MRPS30: variants seen among roughly 807,000 people sequenced by gnomAD.
The protein encoded by MRPS30 is large ribosomal subunit protein mL65.
A neutral mutation model predicts 43.8 loss-of-function variants in MRPS30; 42 were observed. That is an observed-to-expected ratio of 0.96 (90% confidence interval 0.75 to 1.24). The LOEUF (loss-of-function observed/expected upper bound fraction) is 1.24, where lower values mean the gene tolerates loss of function less well. Among genes scored for constraint, MRPS30 ranks in the 50% most tolerant of loss-of-function variants. MRPS30 has a pLI of 0.00. For synonymous variants in MRPS30, 273 were observed against 228.2 expected (o/e 1.20, Z -1.77); for missense variants, 638 against 570.0 (o/e 1.12, Z -1.22).
chr5:44,811,814 T>A, intron 2 of MRPS30, 101 bp from the exon 3 acceptor site: 1 of 731,828 alleles, frequency 1.4e-6, no homozygotes, highest in East Asian at 2.9e-5. Flanking sequence ...CAAATCATTT[T>A]GTGAAATCAC....
Position 44,815,464 on chromosome 5 carries a change from C to A in MRPS30, c.*262C>A. The A allele has an allele frequency of 3.4e-6, 1 of 290,408 alleles. No homozygotes were observed. 18.0% of individuals were successfully genotyped at this position (290,408 alleles called of 1,614,324 possible). A position where few individuals can be genotyped will look rare whatever the true frequency, so the allele number is the denominator to read the frequency against. The stretch of plus-strand genomic sequence containing the variant: ...AATTGAGTTATTGAGCTATTAAATG[C>A]ACATTTTAATATAAATGCAGAAATC... On this transcript the variant is annotated 3_prime_UTR_variant, in exon 5 of 5. Coordinates refer to ENST00000507110, the MANE Select transcript of MRPS30 (RefSeq NM_016640.4).
In MRPS30 at chr5:44,812,543, T is replaced by C. The variant is rs116769378; in HGVS notation, c.853+523T>C. 3.2e-3 allele frequency among the ~76,000 whole-genome samples: 485 copies of C among 152,274 alleles called. 4 individuals carry two copies. The highest frequency in any genetic ancestry group is 0.011 in the African/African-American group (464 of 41,570). ...CTCCAGACCTATTTTATCAGCCTTTTCTCAGTCACTGTGGTCTTAGGGAGT... is the reference window on the plus strand; with the variant it reads ...CTCCAGACCTATTTTATCAGCCTTTCCTCAGTCACTGTGGTCTTAGGGAGT... On this transcript the variant is annotated intron_variant, in intron 3 of 4. Transcript: ENST00000507110.
At chr5:44,811,251 G>A in intron 2 of MRPS30, 97 bp downstream of exon 2, 3 of 1,377,150 alleles carry the variant, frequency 2.2e-6, no homozygotes, top group Non-Finnish European at 3.0e-6. Context: ...AATGTTTCAG[G>A]TGGATCTCTT....
chr5:44,809,081 C>G lies in MRPS30; in HGVS notation c.119C>G (p.Pro40Arg). ...ETTCQDVAAT[P>R]VARYPPIVAS... ...ACCTGCCAAGACGTCGCGGCGACCC[C>G]CGTCGCGCGGTACCCGCCGATTGTG... The change falls in exon 1 of 5, where the codon CCC (proline) becomes CGC (arginine). Residue 40 changes from proline (P) to arginine (R), a missense_variant. Coordinates refer to ENST00000507110, the MANE Select transcript of MRPS30 (RefSeq NM_016640.4). 6.2e-7 allele frequency: 1 copy of G among 1,609,988 alleles called. No individual in the cohort carries two copies. The highest frequency in any genetic ancestry group is 8.5e-7 in the Non-Finnish European group (1 of 1,178,732).
At chr5:44,810,890 C>A in intron 1 of MRPS30, 119 bp from the exon 2 acceptor site, 2 of 853,688 alleles carry the variant, frequency 2.3e-6, no homozygotes, top group Non-Finnish European at 3.6e-6. Context: ...ATAACCCAGA[C>A]TCTTACCTCA....
At chr5:44,812,316 A>T (rs1464748196) in intron 3 of MRPS30, among the ~76,000 whole-genome samples, 2 of 152,170 alleles carry the variant, frequency 1.3e-5, no homozygotes, top group South Asian at 2.1e-4. Context: ...AAAAGTAAAA[A>T]CTTTTAGAAC....
chr5:44,813,050 GCTCCACATGTT>G, intron 3 of MRPS30, 45 bp from the exon 4 acceptor site: 1 of 1,538,100 alleles, frequency 6.5e-7, no homozygotes, highest in Non-Finnish European at 8.9e-7. Context: ...TAAAACATGT[GCTCCACATGTT>G]CTACATGTTT....
chr5:44,809,463 G>A lies in MRPS30; in HGVS notation c.501G>A (p.Glu167=), dbSNP rs1742788665. Residue 167 remains glutamate, a synonymous_variant, in exon 1 of 5, where the codon GAG becomes GAA. Transcript: ENST00000507110. ...LRRRRRVHRY[E]ESEVISLPFL... The stretch of plus-strand genomic sequence containing the variant: ...GCAGGCGGCGCGTGCACCGTTACGA[G>A]GAGAGCGAGGTCATATCTTTGCCCT... The A allele has an allele frequency of 6.2e-7, 1 of 1,613,832 alleles. No individual in the cohort carries two copies. Among genetic ancestry groups the A allele is most frequent in the Admixed American group, 1.7e-5 (1 of 60,008 alleles).
chr5:44,815,083 C>T lies in MRPS30; in HGVS notation c.1201C>T (p.Leu401Phe). The T allele has an allele frequency of 6.2e-7, 1 of 1,613,176 alleles. No individual in the cohort carries two copies. The highest frequency in any genetic ancestry group is 8.5e-7 in the Non-Finnish European group (1 of 1,179,310). Residue 401 changes from leucine (L) to phenylalanine (F), a missense_variant, in exon 5 of 5, where the codon CTT (leucine) becomes TTT (phenylalanine). Transcript: ENST00000507110. ...ATGTTGGGGTACACAAAGTAAGCCT[C>T]TTTATGAAACAATTGAGGATAATGA... ...NICWGTQSKP[L>F]YETIEDNDVK...
Position 44,815,066 on chromosome 5 carries a change from G to A in MRPS30, c.1184G>A (p.Gly395Asp). 6.2e-7 allele frequency: 1 copy of A among 1,613,622 alleles called. No homozygotes were observed. Among genetic ancestry groups the A allele is most frequent in the Non-Finnish European group, 8.5e-7 (1 of 1,179,642 alleles). The change falls in exon 5 of 5, where the codon GGT becomes GAT. Residue 395 changes from glycine (G) to aspartate (D), a missense_variant. Coordinates refer to ENST00000507110, the MANE Select transcript of MRPS30 (RefSeq NM_016640.4). ...QNNPRKNICWGTQSKPLYETI... is the reference protein window; with the variant it reads ...QNNPRKNICWDTQSKPLYETI... Reference sequence around the variant, plus strand: ...AACCCTCGTAAAAATATATGTTGGGGTACACAAAGTAAGCCTCTTTATGAA... The same window carrying A: ...AACCCTCGTAAAAATATATGTTGGGATACACAAAGTAAGCCTCTTTATGAA...
chr5:44,812,838 A>G (rs771267588), intron 3 of MRPS30, among the ~76,000 whole-genome samples: 6 of 152,142 alleles, frequency 3.9e-5, no homozygotes, highest in Non-Finnish European at 8.8e-5. Flanking sequence ...AGAAATTTTA[A>G]ATAACTTGTC....
Position 44,808,972 on chromosome 5 carries a change from G to C in MRPS30, c.10G>C (p.Ala4Pro), listed in dbSNP as rs1338871499. 6.3e-7 allele frequency: 1 copy of C among 1,595,232 alleles called. No homozygotes were observed. Among genetic ancestry groups the C allele is most frequent in the Non-Finnish European group, 8.5e-7 (1 of 1,171,864 alleles). The part of the protein sequence containing the change: MAA[A>P]RCWRPLLRGP... Reference sequence around the variant, plus strand: ...GGAATCGCGGGCAAAGATGGCGGCGGCCAGGTGTTGGAGGCCTTTGCTACG... The same window carrying C: ...GGAATCGCGGGCAAAGATGGCGGCGCCCAGGTGTTGGAGGCCTTTGCTACG... Residue 4 changes from alanine (A) to proline (P), a missense_variant, in exon 1 of 5, where the codon GCC becomes CCC. Transcript: ENST00000507110.
chr5:44,814,503 C>T (rs1579858891), intron 4 of MRPS30, among the ~76,000 whole-genome samples: 2 of 152,066 alleles, frequency 1.3e-5, no homozygotes, highest in South Asian at 4.1e-4. Context: ...TTACATATGT[C>T]AACAGTATTA....
At position 44,811,981 on chromosome 5, in the gene MRPS30, C is replaced by T. The variant is rs775926598; in HGVS notation, c.814C>T (p.Pro272Ser). The T allele has an allele frequency of 1.2e-6, 2 of 1,601,270 alleles. No individual in the cohort carries two copies. Among genetic ancestry groups the T allele is most frequent in the Admixed American group, 1.7e-5 (1 of 58,120 alleles). The change falls in exon 3 of 5, where the codon CCA (proline) becomes TCA (serine). Residue 272 changes from proline to serine, a missense_variant. By Grantham distance (74) the Pro-to-Ser change is moderately conservative. Transcript: ENST00000507110. ...PTIKCKPDKL[P>S]LFKRQYENHI... is the part of the protein sequence containing the mutation. ...TATAAAATGTAAACCAGACAAACTT[C>T]CATTATTCAAACGGCAGTATGAAAA...
chr5:44,811,849 A>G (rs1742844283), intron 2 of MRPS30, 66 bp from the exon 3 acceptor site: 1 of 929,854 alleles, frequency 1.1e-6, no homozygotes, highest in Admixed American at 3.0e-5. Flanking sequence ...TTTAAATCTA[A>G]TGAGTGTGAG....
intron 2 of MRPS30, 88 bp from the exon 3 acceptor site, chr5:44,811,827 C>T: frequency 5.0e-6 from 4 of 796,806 alleles, no homozygotes; most frequent in Non-Finnish European, 7.5e-6. Flanking sequence ...GAAATCACCT[C>T]ATTTTAAGAT....
intron 4 of MRPS30, 83 bp downstream of exon 4, chr5:44,813,365 T>A: frequency 8.4e-7 from 1 of 1,194,432 alleles, no homozygotes; most frequent in Non-Finnish European, 1.1e-6. Context: ...TTCTTTGGGT[T>A]AAAACATAGG....
At chr5:44,811,571 C>T (rs1289451661) in intron 2 of MRPS30, among the ~76,000 whole-genome samples, 1 of 152,074 alleles carries the variant, frequency 6.6e-6, no homozygotes, top group Non-Finnish European at 1.5e-5. Flanking sequence ...TGAGTATTGT[C>T]TATGCTTTCA....
At chr5:44,814,000 C>T (rs1742882665) in intron 4 of MRPS30, among the ~76,000 whole-genome samples, 1 of 152,076 alleles carries the variant, frequency 6.6e-6, no homozygotes, top group Non-Finnish European at 1.5e-5. Context: ...CGAGGAGCTG[C>T]CTATGCACAA....
Sources: gnomAD v4.1 joint callset for allele counts (sites outside exome capture counted in the v4.1 genomes callset) on GRCh38, gnomAD v4.1.1 for gene constraint, MANE v1.5 for transcripts, NCBI Gene and HGNC (gene_info 2026-07-23, HGNC 2026-07-21) for gene names.